CDK8: variants seen among roughly 807,000 people sequenced by gnomAD.
CDK8 encodes cyclin dependent kinase 8, also known as cyclin-dependent kinase 8.
Under a neutral mutation model 71.5 loss-of-function variants are expected in CDK8, and 29 were observed. The ratio of observed to expected loss-of-function variants is 0.41; its 90% confidence interval spans 0.30 to 0.55. The LOEUF is 0.55. CDK8 is among the 20% of genes least tolerant of loss of function. The pLI is 0.37. For missense variants in CDK8, 288 were observed against 572.6 expected (o/e 0.50, Z 5.07); for synonymous variants, 161 against 192.1 (o/e 0.84, Z 1.34).
chr13:26,278,543 T>C (rs539997577), intron 1 of CDK8, among the ~76,000 whole-genome samples: 1 of 152,266 alleles, frequency 6.6e-6, no homozygotes, highest in Admixed American at 6.5e-5. Context: ...AACTGAGAGA[T>C]GGGATAAAAC....
intron 1 of CDK8, among the ~76,000 whole-genome samples, chr13:26,292,308 A>C (rs979668493): frequency 6.6e-6 from 1 of 152,198 alleles, no homozygotes; most frequent in African/African-American, 2.4e-5. Context: ...AAAGAGCAGC[A>C]GCATCACTTG....
intron 4 of CDK8, among the ~76,000 whole-genome samples, chr13:26,370,437 A>G (rs1229494487): frequency 6.6e-6 from 1 of 152,200 alleles, no homozygotes; most frequent in African/African-American, 2.4e-5. Flanking sequence ...ACAAAATTCA[A>G]TATCTGGTGA....
intron 4 of CDK8, among the ~76,000 whole-genome samples, chr13:26,376,239 TGAAA>T (rs991559454): frequency 1.3e-5 from 2 of 151,138 alleles, no homozygotes; most frequent in Admixed American, 6.6e-5. Flanking sequence ...TTAATAATAA[TGAAA>T]GAAAGGAACT....
chr13:26,381,515 T>C (rs1232169643), intron 4 of CDK8, among the ~76,000 whole-genome samples: 1 of 152,150 alleles, frequency 6.6e-6, no homozygotes, highest in African/African-American at 2.4e-5. Context: ...AGTATTATTA[T>C]TATTATTACA....
rs370362781 is a variant in CDK8 at position 26,285,235 on chromosome 13, AAAAACAAAAC to A, written c.128+30486_128+30495del. ...CAACAAGAGCGAAACTCCGTCTCAA[AAAAACAAAAC>A]AAAACAAAACAAAACAAAAACTAGC... On this transcript the variant is annotated intron_variant, in intron 1 of 12. Transcript: ENST00000381527. 9.5e-3 allele frequency among the ~76,000 whole-genome samples: 1,447 copies of A among 152,314 alleles called. 28 individuals carry two copies. The highest frequency in any genetic ancestry group is 0.027 in the African/African-American group (1,119 of 41,558).
At chr13:26,371,044 C>A (rs1282908675) in intron 4 of CDK8, among the ~76,000 whole-genome samples, 1 of 151,834 alleles carries the variant, frequency 6.6e-6, no homozygotes, top group African/African-American at 2.4e-5. Context: ...ATAGAAAGTC[C>A]CGCAAGATGA....
Position 26,361,695 on chromosome 13 carries a change from A to G in CDK8, c.456+7815A>G, listed in dbSNP as rs536689086. Among the ~76,000 whole-genome samples the G allele has an allele frequency of 1.7e-4, 25 of 151,198 alleles. 1 individual carries two copies. The South Asian group carries it at 5.0e-3, about 30-fold the overall frequency. The stretch of plus-strand genomic sequence containing the variant: ...TAAGTCACGCCATTGTAAGTTGGAG[A>G]TCATCTCTAATTTCTAGCTTATAGT... On this transcript the variant is annotated intron_variant, in intron 4 of 12. Transcript: ENST00000381527.
chr13:26,304,229 A>T (rs1593251243), intron 1 of CDK8, among the ~76,000 whole-genome samples: 1 of 151,232 alleles, frequency 6.6e-6, no homozygotes, highest in Non-Finnish European at 1.5e-5. Context: ...GCGCCGCTAC[A>T]CTCCAGCCTG....
intron 1 of CDK8, among the ~76,000 whole-genome samples, chr13:26,334,040 T>C (rs1872870838): frequency 6.6e-6 from 1 of 152,234 alleles, no homozygotes. Flanking sequence ...TATAATCAGA[T>C]GTCATTTATA....
chr13:26,321,359 A>G (rs984812843), intron 1 of CDK8, among the ~76,000 whole-genome samples: 6 of 152,286 alleles, frequency 3.9e-5, no homozygotes, highest in East Asian at 1.9e-4. Flanking sequence ...AGAAAGTGGA[A>G]TGATAGTTGC....
rs562866097 is a variant in CDK8, at chr13:26,269,547, TG to T, written c.128+14779del. Among the ~76,000 whole-genome samples the T allele has an allele frequency of 8.3e-3, 1,252 of 150,640 alleles. 8 individuals carry two copies. Among genetic ancestry groups the T allele is most frequent in the African/African-American group, 0.015 (624 of 41,312 alleles). On this transcript the variant is annotated intron_variant, in intron 1 of 12. Coordinates refer to ENST00000381527, the MANE Select transcript of CDK8 (RefSeq NM_001260.3). ...TTACTTGATCTATTTCTCTTTAGAT[TG>T]TTTTTTTTTTTATGGGATCATTCTA...
chr13:26,360,610 C>G (rs1170436031), intron 4 of CDK8, among the ~76,000 whole-genome samples: 1 of 152,124 alleles, frequency 6.6e-6, no homozygotes, highest in African/African-American at 2.4e-5. Context: ...TTATAAACTC[C>G]TGAGGGCAAA....
chr13:26,287,501 T>C (rs972788261), intron 1 of CDK8, among the ~76,000 whole-genome samples: 11 of 152,206 alleles, frequency 7.2e-5, no homozygotes, highest in Non-Finnish European at 1.0e-4. Flanking sequence ...TTTTCACTTA[T>C]AAGCGGGAGC....
chr13:26,375,833 CTG>C (rs1366589187), intron 4 of CDK8, among the ~76,000 whole-genome samples: 1 of 152,114 alleles, frequency 6.6e-6, no homozygotes, highest in Non-Finnish European at 1.5e-5. Context: ...AACAATAAAT[CTG>C]TTAGCATGAT....
intron 1 of CDK8, among the ~76,000 whole-genome samples, chr13:26,263,582 C>T (rs1340256652): frequency 6.6e-6 from 1 of 152,074 alleles, no homozygotes; most frequent in Non-Finnish European, 1.5e-5. Context: ...GCTGAGATTA[C>T]AGGCATGTGC....
At chr13:26,276,664 A>C (rs1423381145) in intron 1 of CDK8, among the ~76,000 whole-genome samples, 1 of 152,212 alleles carries the variant, frequency 6.6e-6, no homozygotes, top group Non-Finnish European at 1.5e-5. Context: ...TAAGATGCTT[A>C]GTGGTAGACG....
intron 6 of CDK8, among the ~76,000 whole-genome samples, chr13:26,392,873 A>G (rs1593309967): frequency 1.3e-5 from 2 of 152,358 alleles, no homozygotes; most frequent in East Asian, 3.9e-4. Flanking sequence ...CAAATTAGCA[A>G]GTAAATAAAA....
intron 4 of CDK8, among the ~76,000 whole-genome samples, chr13:26,380,023 C>T (rs572278226): frequency 4.5e-4 from 68 of 152,212 alleles, no homozygotes; most frequent in South Asian, 1.5e-3. Context: ...CAAAGAATGG[C>T]GAAAACATGA....
intron 1 of CDK8, among the ~76,000 whole-genome samples, chr13:26,280,751 C>T (rs1331487784): frequency 6.6e-6 from 1 of 152,188 alleles, no homozygotes; most frequent in African/African-American, 2.4e-5. Context: ...CCTTCTCTGT[C>T]CACGTAGTCA....
Sources: allele counts gnomAD v4.1 joint callset (sites outside exome capture counted in the v4.1 genomes callset), GRCh38; gene constraint gnomAD v4.1.1; transcripts MANE v1.5; gene names NCBI Gene and HGNC (gene_info 2026-07-23, HGNC 2026-07-21).